Variants in CRYBG3 observed in about 807,000 individuals in gnomAD.
CRYBG3 encodes the protein crystallin beta-gamma domain containing 3.
A neutral mutation model predicts 244.2 loss-of-function variants in CRYBG3; 127 were observed. That is an observed-to-expected ratio of 0.52 (90% CI 0.45 to 0.60). The LOEUF (loss-of-function observed/expected upper bound fraction) is 0.60, where lower values mean the gene tolerates loss of function less well. CRYBG3 is among the 20% of genes least tolerant of loss of function. The pLI is 0.00. For missense variants in CRYBG3, 3,325 were observed against 3,442.5 expected, an observed-to-expected ratio of 0.97 and a Z score of 0.85; for synonymous variants, 1,132 against 1,195.8, an observed-to-expected ratio of 0.95 and a Z score of 1.10.
At chr3:97,853,644 A>G (rs138951879) in intron 2 of CRYBG3, among the ~76,000 whole-genome samples, 3 of 152,320 alleles carry the variant, frequency 2.0e-5, no homozygotes, top group East Asian at 3.9e-4. Context: ...ACTATTTTCC[A>G]TAATGATTGT....
At chr3:97,886,978 G>A (rs574075256) in intron 8 of CRYBG3, among the ~76,000 whole-genome samples, 1 of 152,284 alleles carries the variant, frequency 6.6e-6, no homozygotes, top group African/African-American at 2.4e-5. Flanking sequence ...TGTAGTTCTT[G>A]ATATATGGAT....
intron 2 of CRYBG3, among the ~76,000 whole-genome samples, chr3:97,848,965 A>G (rs914132419): frequency 6.6e-6 from 1 of 152,152 alleles, no homozygotes; most frequent in African/African-American, 2.4e-5. Flanking sequence ...CATTCCTGGC[A>G]CCTCCTTGGA....
chr3:97,862,761 T>A (rs1233262966), intron 2 of CRYBG3, among the ~76,000 whole-genome samples: 12 of 85,880 alleles, frequency 1.4e-4, no homozygotes, highest in Non-Finnish European at 2.4e-4. Context: ...AAAGGTGAGA[T>A]GTGCAGTGTC....
chr3:97,939,736 G>C (rs1231138472), intron 19 of CRYBG3, among the ~76,000 whole-genome samples: 1 of 152,022 alleles, frequency 6.6e-6, no homozygotes, highest in East Asian at 1.9e-4. Flanking sequence ...AGTAGATCCG[G>C]CTGAATTATA....
rs111917784 is a variant in CRYBG3 at position 97,902,285 on chromosome 3, G to A, written c.8004+1800G>A. On this transcript the variant is annotated intron_variant, in intron 15 of 21. Coordinates refer to ENST00000389622, the MANE Select transcript of CRYBG3 (RefSeq NM_153605.4). ...CCTCAAGCAACCTAAGAGGGGAAAA[G>A]CCAGAAAATGTATGTGTGTAGGGAT... Among the ~76,000 whole-genome samples the A allele has an allele frequency of 9.2e-3, 1,400 of 152,164 alleles. 17 individuals carry two copies. Among genetic ancestry groups the A allele is most frequent in the African/African-American group, 0.032 (1,319 of 41,514 alleles).
At position 97,864,396 on chromosome 3, in the gene CRYBG3, G is replaced by A. The variant is rs544067957; in HGVS notation, c.396G>A (p.Ser132=). The change falls in exon 3 of 22, where the codon TCG becomes TCA. Residue 132 remains serine (S), a synonymous_variant. Transcript: ENST00000389622. ...FQFLGNLFNI[S]GKSSLGEAKQ... ...TTCTTGGTAACTTATTCAATATCTC[G>A]GGGAAATCATCTCTAGGTGAAGCTA... The A allele has an allele frequency of 2.3e-5, 35 of 1,535,752 alleles. 1 individual carries two copies. The East Asian group carries it at 6.8e-4, about 30-fold the overall frequency.
intron 17 of CRYBG3, among the ~76,000 whole-genome samples, chr3:97,922,382 A>G (rs1331785497): frequency 2.0e-5 from 3 of 152,204 alleles, no homozygotes; most frequent in Non-Finnish European, 2.9e-5. Flanking sequence ...AAAAGAAACT[A>G]CCATCAGAGT....
intron 11 of CRYBG3, among the ~76,000 whole-genome samples, 177 bp downstream of exon 11, chr3:97,893,170 T>G (rs1031222452): frequency 3.9e-5 from 6 of 152,340 alleles, no homozygotes; most frequent in African/African-American, 1.4e-4. Context: ...TTGTTTGTAT[T>G]AAATATTTTG....
rs766706147 is a variant in CRYBG3 at position 97,877,584 on chromosome 3, G to A, written c.6390G>A (p.Val2130=). 6.2e-7 allele frequency: 1 copy of A among 1,614,120 alleles called. No individual in the cohort carries two copies. The highest frequency in any genetic ancestry group is 8.5e-7 in the Non-Finnish European group (1 of 1,180,012). Residue 2130 remains valine, a synonymous_variant, in exon 4 of 22, where the codon GTG becomes GTA. Coordinates refer to ENST00000389622, the MANE Select transcript of CRYBG3 (RefSeq NM_153605.4). ...SSSVLSLLQS[V]SERLKMNFDE... ...CTGTTTTATCCCTTCTCCAGTCAGTGTCAGAACGTTTAAAGATGAATTTTG... is the reference window on the plus strand; with the variant it reads ...CTGTTTTATCCCTTCTCCAGTCAGTATCAGAACGTTTAAAGATGAATTTTG...
intron 1 of CRYBG3, among the ~76,000 whole-genome samples, chr3:97,839,814 A>C (rs2038787121): frequency 6.6e-6 from 1 of 151,762 alleles, no homozygotes; most frequent in Non-Finnish European, 1.5e-5. Flanking sequence ...CGAACTCTTA[A>C]TCTTAAGCCA....
chr3:97,894,656 T>A (rs2039620438), intron 11 of CRYBG3, among the ~76,000 whole-genome samples: 1 of 152,222 alleles, frequency 6.6e-6, no homozygotes, highest in Non-Finnish European at 1.5e-5. Flanking sequence ...ATAATAAATT[T>A]GCGAATCTTA....
At chr3:97,869,567 A>G (rs1033660284) in intron 3 of CRYBG3, among the ~76,000 whole-genome samples, 1 of 152,144 alleles carries the variant, frequency 6.6e-6, no homozygotes, top group African/African-American at 2.4e-5. Context: ...CTCTGTCTTC[A>G]TAAGGATTAG....
chr3:97,905,885 G>A (rs1172006465), intron 15 of CRYBG3, among the ~76,000 whole-genome samples: 1 of 138,694 alleles, frequency 7.2e-6, no homozygotes, highest in Non-Finnish European at 1.6e-5. Flanking sequence ...TAGGTCTAAC[G>A]TTTAAGTCTT....
Position 97,897,507 on chromosome 3 carries a change from A to G in CRYBG3, c.7702-1376A>G, listed in dbSNP as rs546000281. Among the ~76,000 whole-genome samples, 10 of 152,112 alleles carry G rather than the reference A, an allele frequency of 6.6e-5. No individual in the cohort carries two copies. In the South Asian group the frequency reaches 2.1e-3, roughly 32 times the overall value. ...TCTCAAGCAGAAGAGCTACATTTAA[A>G]TCTAGGTGACTTTGGAAGTTACTTA... is the stretch of plus-strand genomic sequence containing the variant. On this transcript the variant is annotated intron_variant, in intron 12 of 21. Transcript: ENST00000389622.
intron 2 of CRYBG3, among the ~76,000 whole-genome samples, chr3:97,854,017 G>A (rs2039027133): frequency 6.6e-6 from 1 of 152,134 alleles, no homozygotes; most frequent in African/African-American, 2.4e-5. Flanking sequence ...TGAGAGATGA[G>A]GATCCAGTTT....
Position 97,888,344 on chromosome 3 carries a change from G to T in CRYBG3, c.7293G>T (p.Trp2431Cys), listed in dbSNP as rs1419759027. The T allele has an allele frequency of 1.3e-6, 2 of 1,585,984 alleles. No homozygotes were observed. The highest frequency in any genetic ancestry group is 1.7e-5 in the Admixed American group (1 of 58,974). The change falls in exon 9 of 22, where the codon TGG (tryptophan) becomes TGT (cysteine). Residue 2431 changes from tryptophan to cysteine, a missense_variant. Physicochemically the swap from Trp to Cys is radical, Grantham distance 215. Transcript: ENST00000389622. ...SVSFTVKSGVWLAYPDINFKG... is the reference protein window; with the variant it reads ...SVSFTVKSGVCLAYPDINFKG... ...CTAACTATCTATTTTTATATAGTTG[G>T]CTTGCCTACCCAGATATTAATTTTA...
chr3:97,877,414 GAGGCCAAA>G lies in CRYBG3; in HGVS notation c.6224_6231del (p.Ala2075ValfsTer13). On this transcript the variant is annotated frameshift_variant, in exon 4 of 22. Coordinates refer to ENST00000389622, the MANE Select transcript of CRYBG3 (RefSeq NM_153605.4). LOFTEE classifies it high-confidence loss of function. ...TAGTTCAGAAATGTTCTTATCAGTGGAGGCCAAAAGGTACAAAATTTATCCTTTAGCAT... is the reference window on the plus strand; with the variant it reads ...TAGTTCAGAAATGTTCTTATCAGTGGAGGTACAAAATTTATCCTTTAGCAT... The G allele has an allele frequency of 6.2e-7, 1 of 1,614,140 alleles. No homozygotes were observed. The highest frequency in any genetic ancestry group is 8.5e-7 in the Non-Finnish European group (1 of 1,179,998).
chr3:97,823,469 A>G (rs2038535735), intron 1 of CRYBG3, among the ~76,000 whole-genome samples: 1 of 152,244 alleles, frequency 6.6e-6, no homozygotes, highest in African/African-American at 2.4e-5. Flanking sequence ...AAACATTTTC[A>G]TTATGACCGT....
At position 97,877,933 on chromosome 3, in the gene CRYBG3, C is replaced by T; in HGVS notation, c.6739C>T (p.His2247Tyr). ...YHQYLQTSQS[H>Y]SSEKGARFGG... ...TCAGTATCTGCAGACTTCCCAAAGT[C>T]ATTCCTCAGAAAAAGGAGCCAGATT... The change falls in exon 4 of 22, where the codon CAT (histidine) becomes TAT (tyrosine). Residue 2247 changes from histidine (H) to tyrosine (Y), a missense_variant. Transcript: ENST00000389622. 2 of 1,614,064 alleles carry T rather than the reference C, an allele frequency of 1.2e-6. No homozygotes were observed. Among genetic ancestry groups the T allele is most frequent in the Non-Finnish European group, 1.7e-6 (2 of 1,179,970 alleles).
Sources: gnomAD v4.1 joint callset for allele counts (sites outside exome capture counted in the v4.1 genomes callset) on GRCh38, gnomAD v4.1.1 for gene constraint, MANE v1.5 for transcripts, NCBI Gene and HGNC (gene_info 2026-07-23, HGNC 2026-07-21) for gene names.